The following RANBP3 variants were observed in gnomAD, a reference collection of about 807,000 sequenced individuals.
The protein encoded by RANBP3 is RAN binding protein 3.
RANBP3 carries 14 observed loss-of-function variants against 77.3 expected under a neutral mutation model. The observed-to-expected ratio is 0.18, with a 90% confidence interval of 0.12 to 0.28. The LOEUF (loss-of-function observed/expected upper bound fraction) is 0.28, where lower values mean the gene tolerates loss of function less well. RANBP3 is among the 10% of genes least tolerant of loss of function. The pLI is 1.00. For synonymous variants in RANBP3, 315 were observed against 312.4 expected (o/e 1.01, Z -0.09); for missense variants, 586 against 752.3 (o/e 0.78, Z 2.59).
chr19:5,918,995 G>A (rs990570893), intron 14 of RANBP3, among the ~76,000 whole-genome samples: 3 of 152,264 alleles, frequency 2.0e-5, no homozygotes, highest in Admixed American at 2.0e-4. Context: ...GGGGGGATTA[G>A]AGAGGAGTAC....
At chr19:5,945,100 T>C (rs543520157) in intron 3 of RANBP3, among the ~76,000 whole-genome samples, 1 of 152,184 alleles carries the variant, frequency 6.6e-6, no homozygotes, top group Non-Finnish European at 1.5e-5. Flanking sequence ...CTGGGAGTTG[T>C]GTCAGGGACT....
At chr19:5,948,266 C>T (rs546368196) in intron 3 of RANBP3, among the ~76,000 whole-genome samples, 46 of 152,186 alleles carry the variant, frequency 3.0e-4, no homozygotes, top group African/African-American at 7.7e-4. Flanking sequence ...CTGGCTAACA[C>T]GGTGAAACCC....
chr19:5,928,614 T>C (rs1487058565), intron 8 of RANBP3, among the ~76,000 whole-genome samples: 1 of 151,906 alleles, frequency 6.6e-6, no homozygotes, highest in African/African-American at 2.4e-5. Context: ...GTGTGGTGTG[T>C]ATGTGTGTTG....
At chr19:5,960,494 T>C (rs1018451948) in intron 1 of RANBP3, among the ~76,000 whole-genome samples, 1 of 152,206 alleles carries the variant, frequency 6.6e-6, no homozygotes, top group Non-Finnish European at 1.5e-5. Flanking sequence ...CATTAAGATA[T>C]AAACTCCATA....
chr19:5,975,707 T>A (rs2058582504), intron 1 of RANBP3, among the ~76,000 whole-genome samples: 1 of 148,192 alleles, frequency 6.7e-6, no homozygotes, highest in Non-Finnish European at 1.5e-5. Flanking sequence ...GTGAACGGAA[T>A]AGAGAACATG....
chr19:5,941,541 G>T, intron 5 of RANBP3, 80 bp downstream of exon 5: 1 of 1,265,862 alleles, frequency 7.9e-7, no homozygotes, highest in Non-Finnish European at 1.1e-6. Context: ...GGACACAGCA[G>T]ACGGATGCGC....
intron 10 of RANBP3, chr19:5,925,222 A>G: frequency 2.1e-6 from 1 of 486,006 alleles, no homozygotes; most frequent in South Asian, 2.1e-5. Flanking sequence ...CGTGGGTAGC[A>G]TTACCCCCAG....
chr19:5,943,614 G>T (rs144824955), intron 3 of RANBP3, among the ~76,000 whole-genome samples: 3 of 152,178 alleles, frequency 2.0e-5, no homozygotes, highest in African/African-American at 7.2e-5. Flanking sequence ...AAGCTACCCT[G>T]GACTTTCTCC....
intron 3 of RANBP3, among the ~76,000 whole-genome samples, chr19:5,947,738 T>A (rs750260901): frequency 6.6e-6 from 1 of 152,084 alleles, no homozygotes; most frequent in Non-Finnish European, 1.5e-5. Flanking sequence ...GTGCCCCACG[T>A]CCCTGCCGGC....
At chr19:5,942,072 G>A (rs2058145026) in intron 3 of RANBP3, among the ~76,000 whole-genome samples, 1 of 152,118 alleles carries the variant, frequency 6.6e-6, no homozygotes, top group Non-Finnish European at 1.5e-5. Flanking sequence ...GAAAGCATCC[G>A]CAGCACCCAG....
At position 5,941,844 on chromosome 19, in the gene RANBP3, A is replaced by T. The variant is rs1568462144; in HGVS notation, c.283-9T>A. 1 of 1,612,130 alleles carries T rather than the reference A, an allele frequency of 6.2e-7. No individual in the cohort carries two copies. Among genetic ancestry groups the T allele is most frequent in the Non-Finnish European group, 8.5e-7 (1 of 1,180,016 alleles). On this transcript the variant is annotated splice_polypyrimidine_tract_variant and intron_variant, in intron 3 of 16. Coordinates refer to ENST00000340578, the MANE Select transcript of RANBP3 (RefSeq NM_007322.3). The stretch of plus-strand genomic sequence containing the variant: ...GAGCCGCCAGCTGACCTCTGAAACA[A>T]GGAGCACACAGCCGGGGTCAGAGGG...
At chr19:5,975,205 C>G (rs1410564757) in intron 1 of RANBP3, among the ~76,000 whole-genome samples, 1 of 152,144 alleles carries the variant, frequency 6.6e-6, no homozygotes, top group Non-Finnish European at 1.5e-5. Context: ...TGAAGGACGG[C>G]AGGGATATAT....
At chr19:5,953,119 C>A (rs988323473) in intron 2 of RANBP3, among the ~76,000 whole-genome samples, 1 of 152,154 alleles carries the variant, frequency 6.6e-6, no homozygotes, top group African/African-American at 2.4e-5. Flanking sequence ...GAAACCAAGA[C>A]ATCAAAACAG....
intron 9 of RANBP3, 26 bp downstream of exon 9, chr19:5,927,942 A>G: frequency 6.3e-7 from 1 of 1,584,242 alleles, no homozygotes; most frequent in Non-Finnish European, 8.6e-7. Flanking sequence ...TAAAAAGTCA[A>G]TGTGCTGGTT....
At chr19:5,966,768 G>T (rs1013094720) in intron 1 of RANBP3, among the ~76,000 whole-genome samples, 3 of 152,208 alleles carry the variant, frequency 2.0e-5, no homozygotes, top group Non-Finnish European at 2.9e-5. Context: ...CCTGACTGAT[G>T]ACTCCAATAC....
At chr19:5,925,022 A>G in intron 10 of RANBP3, 117 bp from the exon 11 acceptor site, 2 of 906,960 alleles carry the variant, frequency 2.2e-6, no homozygotes, top group Non-Finnish European at 3.6e-6. Flanking sequence ...GGCCTCCGCC[A>G]CTGTGCACGG....
intron 3 of RANBP3, among the ~76,000 whole-genome samples, chr19:5,943,074 A>G (rs375283024): frequency 1.6e-4 from 25 of 152,286 alleles, no homozygotes; most frequent in African/African-American, 5.3e-4. Context: ...CTCTCCCCCA[A>G]CACAATCCCT....
At chr19:5,964,704 G>A (rs760021565) in intron 1 of RANBP3, among the ~76,000 whole-genome samples, 28 of 152,178 alleles carry the variant, frequency 1.8e-4, no homozygotes, top group Non-Finnish European at 2.6e-4. Flanking sequence ...GGAAGCACAC[G>A]GCAGCAGAGT....
At chr19:5,967,828 C>T (rs1472488744) in intron 1 of RANBP3, among the ~76,000 whole-genome samples, 1 of 152,156 alleles carries the variant, frequency 6.6e-6, no homozygotes, top group Non-Finnish European at 1.5e-5. Flanking sequence ...TGAGACCAGC[C>T]TGGGCAACAT....
Sources: gnomAD v4.1 joint callset for allele counts (sites outside exome capture counted in the v4.1 genomes callset) on GRCh38, gnomAD v4.1.1 for gene constraint, MANE v1.5 for transcripts, NCBI Gene and HGNC (gene_info 2026-07-23, HGNC 2026-07-21) for gene names.